TMPO: variants seen among roughly 807,000 people sequenced by gnomAD.
TMPO encodes thymopoietin, also known as LEM domain containing 4.
In TMPO, 22 loss-of-function variants were observed where a neutral mutation model predicts 45.4. That is an observed-to-expected ratio of 0.48 (90% CI 0.35 to 0.69). The LOEUF is 0.69. Among genes scored for constraint, TMPO ranks in the 30% least tolerant of loss-of-function variants. The probability of loss-of-function intolerance (pLI) is 0.01; values close to 1 mark genes in which losing one functional copy is unlikely to be tolerated. For missense variants in TMPO, 512 were observed against 548.8 expected, an observed-to-expected ratio of 0.93 and a Z score of 0.67; for synonymous variants, 241 against 204.1, an observed-to-expected ratio of 1.18 and a Z score of -1.54.
At chr12:98,543,157 T>A (rs1334553540) in intron 4 of TMPO, among the ~76,000 whole-genome samples, 1 of 150,288 alleles carries the variant, frequency 6.7e-6, no homozygotes, top group Non-Finnish European at 1.5e-5. Context: ...GATTAAAGTT[T>A]AAAAAAAAAA....
Position 98,546,345 on chromosome 12 carries a change from CTG to C in TMPO, c.991-12_991-11del, listed in dbSNP as rs759630477. ...TTTTAACTTGTGGTTGTTTGTTTGT[CTG>C]TTTCTTATTAGGTGGGAGAAAAAAC... On this transcript the variant is annotated splice_polypyrimidine_tract_variant and intron_variant, in intron 7 of 8. Transcript: ENST00000556029. 189 of 1,566,270 alleles carry C rather than the reference CTG, an allele frequency of 1.2e-4. 1 individual carries two copies. The highest frequency in any genetic ancestry group is 1.1e-3 in the Middle Eastern group (6 of 5,706).
At chr12:98,543,030 A>C (rs1382728322) in intron 4 of TMPO, among the ~76,000 whole-genome samples, 4 of 152,308 alleles carry the variant, frequency 2.6e-5, no homozygotes, top group Non-Finnish European at 5.9e-5. Flanking sequence ...TATCAATTCC[A>C]AATATAGATA....
intron 1 of TMPO, among the ~76,000 whole-genome samples, chr12:98,519,161 C>T (rs1034253235): frequency 3.3e-5 from 5 of 152,096 alleles, no homozygotes; most frequent in Admixed American, 3.3e-4. Flanking sequence ...GGATTACAGG[C>T]GTGAGCCACC....
Position 98,533,939 on chromosome 12 carries a change from G to A in TMPO, c.565+2101G>A, listed in dbSNP as rs774064196. On this transcript the variant is annotated intron_variant, in intron 3 of 8. Coordinates refer to ENST00000556029, the MANE Select transcript of TMPO (RefSeq NM_001032283.3). Reference sequence around the variant, plus strand: ...ATTCAAGCAGCCTCCACTGAGTCTTGCAATCAGCAGTTGGACTTAGCACTC... The same window carrying A: ...ATTCAAGCAGCCTCCACTGAGTCTTACAATCAGCAGTTGGACTTAGCACTC... 4.3e-6 allele frequency: 7 copies of A among 1,613,850 alleles called. No individual in the cohort carries two copies. Among genetic ancestry groups the A allele is most frequent in the Non-Finnish European group, 4.2e-6 (5 of 1,179,924 alleles).
intron 1 of TMPO, among the ~76,000 whole-genome samples, chr12:98,517,709 A>C (rs1875972199): frequency 6.6e-6 from 1 of 152,252 alleles, no homozygotes; most frequent in Admixed American, 6.5e-5. Flanking sequence ...TTGTACAATA[A>C]ATAAAAGACC....
chr12:98,533,869 G>C, intron 3 of TMPO: 1 of 1,614,204 alleles, frequency 6.2e-7, no homozygotes. Flanking sequence ...AAAAGTAGAT[G>C]ATGAAATCCT....
chr12:98,538,515 G>C (rs1435522400), intron 4 of TMPO, among the ~76,000 whole-genome samples: 1 of 152,194 alleles, frequency 6.6e-6, no homozygotes, highest in Admixed American at 6.5e-5. Context: ...ACCACGCTCA[G>C]CTAATTTTTG....
At chr12:98,516,582 C>G (rs905888182) in intron 1 of TMPO, 4 of 990,144 alleles carry the variant, frequency 4.0e-6, no homozygotes, top group Non-Finnish European at 4.8e-6. Flanking sequence ...TCAGAGCGCT[C>G]CCTGGAGGGC....
chr12:98,548,316 G>C lies in TMPO; in HGVS notation c.*458G>C, dbSNP rs1878344739. 6.3e-6 allele frequency: 1 copy of C among 159,318 alleles called. No individual in the cohort carries two copies. The highest frequency in any genetic ancestry group is 6.2e-5 in the Admixed American group (1 of 16,050). 9.9% of individuals were successfully genotyped at this position (159,318 alleles called of 1,614,324 possible). A position where few individuals can be genotyped will look rare whatever the true frequency, so the allele number is the denominator to read the frequency against. ...GAAACATAATGAAATTCAGTAAGAG[G>C]AAAAGTAACTTGGTTGTACTTTTTG... On this transcript the variant is annotated 3_prime_UTR_variant, in exon 9 of 9. Coordinates refer to ENST00000556029, the MANE Select transcript of TMPO (RefSeq NM_001032283.3).
At chr12:98,546,288 T>G in intron 7 of TMPO, 71 bp from the exon 8 acceptor site, 1 of 1,008,106 alleles carries the variant, frequency 9.9e-7, no homozygotes, top group Non-Finnish European at 1.6e-6. Flanking sequence ...AACTTACTAT[T>G]TATGTTTTAA....
In TMPO at chr12:98,541,378, G is replaced by C. The variant is rs192146170; in HGVS notation, c.664-2852G>C. Among the ~76,000 whole-genome samples, 15 of 152,230 alleles carry C rather than the reference G, an allele frequency of 9.9e-5. No homozygotes were observed. The East Asian group carries it at 2.9e-3, about 29-fold the overall frequency. On this transcript the variant is annotated intron_variant, in intron 4 of 8. Transcript: ENST00000556029. ...TGATATTTCAAATTTATAAATACAGGCTAATTTTGGGTTATGTTATACTTG... is the reference window on the plus strand; with the variant it reads ...TGATATTTCAAATTTATAAATACAGCCTAATTTTGGGTTATGTTATACTTG...
chr12:98,527,525 TA>T (rs145065353), intron 1 of TMPO: 6,592 of 158,830 alleles, frequency 0.042, 1 homozygote, highest in South Asian at 0.098. Context: ...CCTGTATCAT[TA>T]AAAAAAAAAA....
intron 4 of TMPO, among the ~76,000 whole-genome samples, chr12:98,542,274 TTTTTG>T (rs935048777): frequency 1.3e-5 from 2 of 152,160 alleles, no homozygotes; most frequent in African/African-American, 4.8e-5. Flanking sequence ...ATATGAGGCT[TTTTTG>T]TTTTGTTTTG....
intron 2 of TMPO, 41 bp downstream of exon 2, chr12:98,528,053 A>G: frequency 6.2e-7 from 1 of 1,611,938 alleles, no homozygotes; most frequent in East Asian, 2.2e-5. Flanking sequence ...TTTTCTCTGA[A>G]GCAGGACCCC....
intron 2 of TMPO, among the ~76,000 whole-genome samples, chr12:98,528,406 A>C (rs2121176255): frequency 6.6e-6 from 1 of 151,936 alleles, no homozygotes; most frequent in East Asian, 2.0e-4. Flanking sequence ...CCTCCTGAGT[A>C]GCTGGGACTA....
intron 2 of TMPO, among the ~76,000 whole-genome samples, chr12:98,528,215 A>G (rs911004530): frequency 1.4e-5 from 2 of 143,816 alleles, no homozygotes; most frequent in East Asian, 2.1e-4. Flanking sequence ...AATTACCTCT[A>G]TTGTTGAGAT....
chr12:98,534,067 C>G lies in TMPO; in HGVS notation c.565+2229C>G, dbSNP rs1191424030. The G allele has an allele frequency of 1.9e-6, 3 of 1,609,604 alleles. No homozygotes were observed. The highest frequency in any genetic ancestry group is 2.6e-6 in the Non-Finnish European group (3 of 1,176,152). On this transcript the variant is annotated intron_variant, in intron 3 of 8. Coordinates refer to ENST00000556029, the MANE Select transcript of TMPO (RefSeq NM_001032283.3). The stretch of plus-strand genomic sequence containing the variant: ...AGACATTAGTCAAGCTGCACAGATT[C>G]TTAGCTCAGATCCTAGTCGTACCCA...
At position 98,544,488 on chromosome 12, in the gene TMPO, A is replaced by G; in HGVS notation, c.830A>G (p.Glu277Gly). Residue 277 changes from glutamate to glycine, a missense_variant, in exon 6 of 9, where the codon GAG (glutamate) becomes GGG (glycine). Glu to Gly is a moderately conservative substitution (Grantham distance 98, BLOSUM62 -2). Transcript: ENST00000556029. ...CGTATAGATGGTCCAGTAATTTCAG[A>G]GAGTACTCCCATAGCTGAAACTATA... ...HFRIDGPVIS[E>G]STPIAETIMA... 1 of 1,613,954 alleles carries G rather than the reference A, an allele frequency of 6.2e-7. No homozygotes were observed. Among genetic ancestry groups the G allele is most frequent in the Non-Finnish European group, 8.5e-7 (1 of 1,179,892 alleles).
intron 6 of TMPO, 137 bp downstream of exon 6, chr12:98,544,674 C>A: frequency 1.3e-6 from 1 of 760,316 alleles, no homozygotes; most frequent in Non-Finnish European, 2.1e-6. Context: ...TGATTTTCCC[C>A]ATATAGTTCT....
Sources: gnomAD v4.1 joint callset for allele counts (sites outside exome capture counted in the v4.1 genomes callset) on GRCh38, gnomAD v4.1.1 for gene constraint, MANE v1.5 for transcripts, NCBI Gene and HGNC (gene_info 2026-07-23, HGNC 2026-07-21) for gene names.